The following AMPH variants were observed in gnomAD, a reference collection of about 807,000 sequenced individuals.
AMPH encodes the protein amphiphysin (Stiff-Mann syndrome with breast cancer 128kD autoantigen).
AMPH carries 49 observed loss-of-function variants against 99.1 expected under a neutral mutation model. The ratio of observed to expected loss-of-function variants is 0.49; its 90% CI spans 0.39 to 0.63. AMPH has a LOEUF of 0.63. Ranked by LOEUF, AMPH falls within the 20% of genes least tolerant of loss-of-function variation. The probability of loss-of-function intolerance (pLI) is 0.00; values close to 1 mark genes in which losing one functional copy is unlikely to be tolerated. For missense variants in AMPH, 759 were observed against 863.4 expected, an observed-to-expected ratio of 0.88 and a Z score of 1.52; for synonymous variants, 314 against 317.3, an observed-to-expected ratio of 0.99 and a Z score of 0.11.
intron 19 of AMPH, 41 bp downstream of exon 19, chr7:38,391,707 A>C: frequency 6.3e-7 from 1 of 1,587,672 alleles, no homozygotes; most frequent in Non-Finnish European, 8.5e-7. Flanking sequence ...AAGGGCCTTA[A>C]AGCAAAAAAA....
intron 17 of AMPH, among the ~76,000 whole-genome samples, chr7:38,412,986 C>T: frequency 6.6e-6 from 1 of 152,148 alleles, no homozygotes; most frequent in East Asian, 1.9e-4. Flanking sequence ...GGGTCCATTG[C>T]CATTTCTGAC....
chr7:38,557,308 T>C (rs1791401464), intron 1 of AMPH, among the ~76,000 whole-genome samples: 1 of 152,182 alleles, frequency 6.6e-6, no homozygotes, highest in South Asian at 2.1e-4. Context: ...TTTGGCAGTG[T>C]CCCCACCCAA....
At chr7:38,559,562 C>T (rs752905893) in intron 1 of AMPH, among the ~76,000 whole-genome samples, 23 of 152,186 alleles carry the variant, frequency 1.5e-4, no homozygotes, top group Non-Finnish European at 3.1e-4. Context: ...GTCTCTCTGA[C>T]ACTTGGGGAT....
At chr7:38,547,894 C>T (rs757073875) in intron 1 of AMPH, among the ~76,000 whole-genome samples, 20 of 152,130 alleles carry the variant, frequency 1.3e-4, no homozygotes, top group Non-Finnish European at 1.6e-4. Flanking sequence ...TAGTCACTTA[C>T]GCCTTCACTG....
intron 1 of AMPH, among the ~76,000 whole-genome samples, chr7:38,535,988 C>T (rs1329939229): frequency 6.6e-6 from 1 of 152,100 alleles, no homozygotes; most frequent in Non-Finnish European, 1.5e-5. Context: ...TCCGTCTCAC[C>T]ATCTTCTGAT....
intron 1 of AMPH, among the ~76,000 whole-genome samples, chr7:38,555,828 A>C (rs1292958752): frequency 6.6e-6 from 1 of 152,188 alleles, no homozygotes; most frequent in African/African-American, 2.4e-5. Flanking sequence ...TTCTATAAGC[A>C]TATATACTTT....
At chr7:38,542,040 G>C (rs1015588634) in intron 1 of AMPH, among the ~76,000 whole-genome samples, 7 of 152,028 alleles carry the variant, frequency 4.6e-5, no homozygotes, top group Admixed American at 2.0e-4. Flanking sequence ...TTAGTCCTCT[G>C]ACTTCAAGAG....
chr7:38,491,160 G>A lies in AMPH; in HGVS notation c.301-15C>T, dbSNP rs767824902. ...ACATCACATTTCTAAAAGAAATAAA[G>A]AGACCACTGCTGAATTATTTTAATT... On this transcript the variant is annotated splice_polypyrimidine_tract_variant and intron_variant, in intron 4 of 20. Transcript: ENST00000356264. 6 of 1,555,320 alleles carry A rather than the reference G, an allele frequency of 3.9e-6. No individual in the cohort carries two copies. Among genetic ancestry groups the A allele is most frequent in the African/African-American group, 1.4e-5 (1 of 73,444 alleles).
chr7:38,594,402 G>A (rs1290529591), intron 1 of AMPH, among the ~76,000 whole-genome samples: 4 of 152,104 alleles, frequency 2.6e-5, no homozygotes, highest in African/African-American at 7.2e-5. Flanking sequence ...CTGTTTGGAG[G>A]ACAGCAACCT....
At chr7:38,550,466 A>T (rs1791141938) in intron 1 of AMPH, among the ~76,000 whole-genome samples, 4 of 152,244 alleles carry the variant, frequency 2.6e-5, no homozygotes. Flanking sequence ...TGAAGCTGTA[A>T]TGATCACACG....
chr7:38,513,849 T>C (rs1412658748), intron 2 of AMPH, among the ~76,000 whole-genome samples: 1 of 152,222 alleles, frequency 6.6e-6, no homozygotes, highest in Admixed American at 6.5e-5. Context: ...CAGCTGTTCT[T>C]CCCTTTGTCT....
intron 7 of AMPH, among the ~76,000 whole-genome samples, chr7:38,470,231 C>T (rs1364619328): frequency 6.6e-6 from 1 of 152,178 alleles, no homozygotes; most frequent in African/African-American, 2.4e-5. Context: ...TAGAAAGCTC[C>T]CCTTGCCCTC....
chr7:38,532,069 G>T (rs1016156821), intron 2 of AMPH, among the ~76,000 whole-genome samples: 2 of 152,104 alleles, frequency 1.3e-5, no homozygotes, highest in Non-Finnish European at 2.9e-5. Context: ...CATATTGGGG[G>T]TAAGAGGATT....
chr7:38,482,479 T>C (rs776519456), intron 5 of AMPH, among the ~76,000 whole-genome samples: 44 of 152,252 alleles, frequency 2.9e-4, no homozygotes, highest in Non-Finnish European at 5.1e-4. Context: ...GACCAGCCAA[T>C]ATAATCTGTC....
At chr7:38,516,677 T>A (rs1789756811) in intron 2 of AMPH, among the ~76,000 whole-genome samples, 1 of 152,144 alleles carries the variant, frequency 6.6e-6, no homozygotes, top group Non-Finnish European at 1.5e-5. Context: ...AGGGCCACAG[T>A]CCTCCAGACC....
chr7:38,445,981 T>C (rs1786763545), intron 11 of AMPH, among the ~76,000 whole-genome samples: 2 of 152,208 alleles, frequency 1.3e-5, no homozygotes, highest in African/African-American at 4.8e-5. Context: ...GTTAGACACC[T>C]GCTCTTGCTT....
chr7:38,436,622 CTCT>C (rs1302465147), intron 11 of AMPH, among the ~76,000 whole-genome samples: 2 of 152,192 alleles, frequency 1.3e-5, no homozygotes, highest in Non-Finnish European at 2.9e-5. Flanking sequence ...GTGTCCCAGG[CTCT>C]AGCTCTTGTC....
chr7:38,521,930 G>C (rs1413083789), intron 2 of AMPH, among the ~76,000 whole-genome samples: 1 of 152,152 alleles, frequency 6.6e-6, no homozygotes, highest in African/African-American at 2.4e-5. Context: ...ATTCTACTGA[G>C]ATTTCCCTCA....
intron 1 of AMPH, among the ~76,000 whole-genome samples, chr7:38,598,312 C>T (rs896317394): frequency 6.6e-6 from 1 of 151,840 alleles, no homozygotes; most frequent in Non-Finnish European, 1.5e-5. Context: ...AAGACTGAGT[C>T]TTACTCTGTC....
Sources: allele counts gnomAD v4.1 joint callset (sites outside exome capture counted in the v4.1 genomes callset), GRCh38; gene constraint gnomAD v4.1.1; transcripts MANE v1.5; gene names NCBI Gene and HGNC (gene_info 2026-07-23, HGNC 2026-07-21).